KCNH5: variants seen among roughly 807,000 people sequenced by gnomAD.
KCNH5 encodes the protein potassium voltage-gated channel subfamily H member 5, also known as voltage-gated delayed rectifier potassium channel KCNH5.
In KCNH5, 46 loss-of-function variants were observed where a neutral mutation model predicts 96.1. The ratio of observed to expected loss-of-function variants is 0.48; its 90% CI spans 0.38 to 0.61. KCNH5 has a LOEUF of 0.61. KCNH5 is among the 20% of genes least tolerant of loss of function. KCNH5 has a pLI of 0.00. For missense variants in KCNH5, 907 were observed against 1,225.8 expected (o/e 0.74, Z 3.88); for synonymous variants, 439 against 449.8 (o/e 0.98, Z 0.30).
At chr14:62,848,174 A>G (rs1342504699) in intron 8 of KCNH5, among the ~76,000 whole-genome samples, 3 of 152,144 alleles carry the variant, frequency 2.0e-5, no homozygotes, top group Non-Finnish European at 2.9e-5. Flanking sequence ...CTTCTTGCTG[A>G]GATAGTGATT....
intron 10 of KCNH5, among the ~76,000 whole-genome samples, chr14:62,717,940 C>CA (rs1884720083): frequency 6.6e-6 from 1 of 152,144 alleles, no homozygotes; most frequent in African/African-American, 2.4e-5. Flanking sequence ...TATGCAGCCA[C>CA]AAAAATGAAT....
chr14:62,946,660 C>G (rs1211058708), intron 7 of KCNH5, among the ~76,000 whole-genome samples: 1 of 152,026 alleles, frequency 6.6e-6, no homozygotes, highest in Non-Finnish European at 1.5e-5. Flanking sequence ...TAGCCAAAAT[C>G]TGGAAACAAA....
chr14:62,869,645 G>A (rs1399179605), intron 7 of KCNH5, among the ~76,000 whole-genome samples: 1 of 151,972 alleles, frequency 6.6e-6, no homozygotes, highest in Non-Finnish European at 1.5e-5. Flanking sequence ...TTTCTTCTAG[G>A]GTTTTTATTA....
At chr14:62,871,339 G>A (rs901865474) in intron 7 of KCNH5, among the ~76,000 whole-genome samples, 9 of 152,144 alleles carry the variant, frequency 5.9e-5, no homozygotes, top group Admixed American at 5.9e-4. Context: ...ACCCAATACT[G>A]GGGGTTTAAG....
rs747560070 is a variant in KCNH5 at position 63,006,485 on chromosome 14, A to G, written c.198-13T>C. On this transcript the variant is annotated splice_polypyrimidine_tract_variant and intron_variant, in intron 2 of 10. Transcript: ENST00000322893. ...CCCATACATAAAACTGGGGGGGAAA[A>G]AAAACAAACAATCGATTTCACTTTT... 3.4e-6 allele frequency: 5 copies of G among 1,449,416 alleles called. No individual in the cohort carries two copies. Among genetic ancestry groups the G allele is most frequent in the Non-Finnish European group, 3.9e-6 (4 of 1,034,206 alleles). 89.8% of individuals were successfully genotyped at this position (1,449,416 alleles called of 1,614,324 possible).
intron 9 of KCNH5, among the ~76,000 whole-genome samples, chr14:62,798,362 T>G (rs1411356482): frequency 6.6e-6 from 1 of 152,192 alleles, no homozygotes; most frequent in Non-Finnish European, 1.5e-5. Context: ...AATGTCATTT[T>G]TATAACCTCA....
chr14:62,918,816 A>T (rs986438383), intron 7 of KCNH5, among the ~76,000 whole-genome samples: 2 of 151,806 alleles, frequency 1.3e-5, no homozygotes, highest in Admixed American at 6.6e-5. Context: ...TATATCCAAT[A>T]AAAAAAATGC....
At chr14:62,814,782 C>CA (rs71120235) in intron 8 of KCNH5, among the ~76,000 whole-genome samples, 1,658 of 33,650 alleles carry the variant, frequency 0.049, 430 homozygotes, top group African/African-American at 0.2. Context: ...GACTCCATCT[C>CA]AAAAAAAAAA....
chr14:62,973,392 G>C (rs1480784298), intron 6 of KCNH5, among the ~76,000 whole-genome samples: 2 of 152,204 alleles, frequency 1.3e-5, no homozygotes, highest in African/African-American at 4.8e-5. Context: ...ATGCAATAAT[G>C]TTGGGAGATG....
chr14:62,994,750 AGAACATGG>A (rs1004534136), intron 4 of KCNH5, among the ~76,000 whole-genome samples: 1 of 152,094 alleles, frequency 6.6e-6, no homozygotes, highest in African/African-American at 2.4e-5. Flanking sequence ...TGCAATAGAG[AGAACATGG>A]GATTTGAAAT....
chr14:63,039,937 T>A (rs1891791877), intron 1 of KCNH5, among the ~76,000 whole-genome samples: 1 of 151,994 alleles, frequency 6.6e-6, no homozygotes, highest in Non-Finnish European at 1.5e-5. Flanking sequence ...GAGAAAAATA[T>A]TAACTACTTG....
At chr14:62,751,232 AG>A (rs746557014) in intron 10 of KCNH5, among the ~76,000 whole-genome samples, 1 of 152,166 alleles carries the variant, frequency 6.6e-6, no homozygotes, top group African/African-American at 2.4e-5. Context: ...AGAAAACCAA[AG>A]TCCTTGAAGA....
chr14:62,766,664 G>A (rs1885867560), intron 10 of KCNH5, among the ~76,000 whole-genome samples: 2 of 152,112 alleles, frequency 1.3e-5, no homozygotes, highest in South Asian at 4.1e-4. Flanking sequence ...GGAGTAGAAG[G>A]ATGGTGAACA....
intron 10 of KCNH5, among the ~76,000 whole-genome samples, chr14:62,755,176 T>A (rs1885593532): frequency 6.6e-6 from 1 of 151,860 alleles, no homozygotes; most frequent in Non-Finnish European, 1.5e-5. Flanking sequence ...TGGCTATTTA[T>A]GATGATAAAC....
At chr14:62,868,796 C>T (rs1888190501) in intron 7 of KCNH5, among the ~76,000 whole-genome samples, 1 of 152,134 alleles carries the variant, frequency 6.6e-6, no homozygotes, top group African/African-American at 2.4e-5. Flanking sequence ...GTTTGGTTTT[C>T]TGTTCCTGTG....
intron 7 of KCNH5, among the ~76,000 whole-genome samples, chr14:62,891,811 G>T (rs1888717456): frequency 6.6e-6 from 1 of 152,120 alleles, no homozygotes. Flanking sequence ...GGTGATCTAT[G>T]ATTGGTAATC....
At chr14:62,849,895 T>C (rs1887770826) in intron 7 of KCNH5, 43 bp from the exon 8 acceptor site, 2 of 1,442,640 alleles carry the variant, frequency 1.4e-6, no homozygotes, top group East Asian at 4.6e-5. Context: ...ATATCTCATG[T>C]GAAAAAAATA....
chr14:63,006,480 G>A lies in KCNH5; in HGVS notation c.198-8C>T, dbSNP rs1185944980. 2 of 1,521,562 alleles carry A rather than the reference G, an allele frequency of 1.3e-6. No homozygotes were observed. Among genetic ancestry groups the A allele is most frequent in the Non-Finnish European group, 1.8e-6 (2 of 1,103,330 alleles). The allele number at this position is 1,521,562 out of a possible 1,614,324, so 94.3% of individuals were successfully genotyped here. A position where few individuals can be genotyped will look rare whatever the true frequency, so the allele number is the denominator to read the frequency against. ...AATTCCCCATACATAAAACTGGGGG[G>A]GAAAAAAAACAAACAATCGATTTCA... On this transcript the variant is annotated splice_region_variant and splice_polypyrimidine_tract_variant and intron_variant, in intron 2 of 10. Coordinates refer to ENST00000322893, the MANE Select transcript of KCNH5 (RefSeq NM_139318.5).
chr14:62,995,288 C>T (rs1211049160), intron 4 of KCNH5, among the ~76,000 whole-genome samples: 2 of 152,086 alleles, frequency 1.3e-5, no homozygotes, highest in African/African-American at 4.8e-5. Context: ...AAAGTCCTTG[C>T]TCTGGGATTA....
Sources: allele counts gnomAD v4.1 joint callset (sites outside exome capture counted in the v4.1 genomes callset), GRCh38; gene constraint gnomAD v4.1.1; transcripts MANE v1.5; gene names NCBI Gene and HGNC (gene_info 2026-07-23, HGNC 2026-07-21).